Variants in BCL7C observed in about 807,000 individuals in gnomAD.
BCL7C encodes the protein B-cell CLL/lymphoma 7 protein family member C.
BCL7C carries 8 observed loss-of-function variants against 26.2 expected under a neutral mutation model. That is an observed-to-expected ratio of 0.30 (90% CI 0.18 to 0.55). The LOEUF is 0.55. BCL7C is among the 20% of genes least tolerant of loss of function. The pLI is 0.93. For synonymous variants in BCL7C, 90 were observed against 116.5 expected, an observed-to-expected ratio of 0.77 and a Z score of 1.47; for missense variants, 262 against 298.5, an observed-to-expected ratio of 0.88 and a Z score of 0.90.
At chr16:30,888,582 G>A (rs949471895) in intron 5 of BCL7C, 54 of 248,660 alleles carry the variant, frequency 2.2e-4, no homozygotes, top group Admixed American at 1.1e-4. Flanking sequence ...TGATCCACCC[G>A]CCTCCGCCTC....
At chr16:30,858,355 G>A (rs1035653290) in intron 5 of BCL7C, among the ~76,000 whole-genome samples, 13 of 152,120 alleles carry the variant, frequency 8.5e-5, no homozygotes, top group African/African-American at 2.4e-4. Context: ...AAGCCTTTCC[G>A]AAGTGACCTA....
intron 5 of BCL7C, 155 bp downstream of exon 5, chr16:30,888,705 C>T: frequency 3.2e-6 from 2 of 617,588 alleles, no homozygotes; most frequent in Non-Finnish European, 5.6e-6. Flanking sequence ...AACACCCTTT[C>T]TTTTTCAGTC....
intron 4 of BCL7C, among the ~76,000 whole-genome samples, chr16:30,891,641 C>T (rs914639211): frequency 6.6e-6 from 1 of 151,940 alleles, no homozygotes; most frequent in African/African-American, 2.4e-5. Flanking sequence ...ACTATGTGTC[C>T]CATATTATTC....
chr16:30,850,080 G>A (rs1277129813), intron 5 of BCL7C, among the ~76,000 whole-genome samples: 1 of 151,804 alleles, frequency 6.6e-6, no homozygotes, highest in Non-Finnish European at 1.5e-5. Flanking sequence ...CATGGTGGCA[G>A]GCACCTGTAG....
At chr16:30,864,716 G>A (rs573330054) in intron 5 of BCL7C, among the ~76,000 whole-genome samples, 23 of 152,218 alleles carry the variant, frequency 1.5e-4, no homozygotes, top group South Asian at 6.2e-4. Context: ...TGACCTGCAC[G>A]TATACATCCA....
Position 30,892,827 on chromosome 16 carries a change from G to C in BCL7C, c.280+13C>G. Reference sequence around the variant, plus strand: ...GTCCCCACAGCCCCCCGCGTTTCAGGATCCCTACCTACCATTAAGATCCAG... The same window carrying C: ...GTCCCCACAGCCCCCCGCGTTTCAGCATCCCTACCTACCATTAAGATCCAG... On this transcript the variant is annotated intron_variant, in intron 3 of 5. Transcript: ENST00000215115. 2 of 1,613,578 alleles carry C rather than the reference G, an allele frequency of 1.2e-6. No homozygotes were observed. Among genetic ancestry groups the C allele is most frequent in the African/African-American group, 1.3e-5 (1 of 75,034 alleles).
exon 6 of BCL7C, chr16:30,835,121 C>A: frequency 2.0e-6 from 3 of 1,524,938 alleles, no homozygotes; most frequent in Non-Finnish European, 8.9e-7. Flanking sequence ...TCGTGAAGGG[C>A]TCTCCTCGTC....
chr16:30,864,477 C>A (rs2054806600), intron 5 of BCL7C, among the ~76,000 whole-genome samples: 1 of 152,066 alleles, frequency 6.6e-6, no homozygotes, highest in East Asian at 1.9e-4. Flanking sequence ...ACAATATCAC[C>A]CCTTACCCCA....
intron 5 of BCL7C, among the ~76,000 whole-genome samples, chr16:30,873,289 A>T (rs1256324066): frequency 6.6e-6 from 1 of 152,216 alleles, no homozygotes; most frequent in Non-Finnish European, 1.5e-5. Flanking sequence ...GGCCACATAA[A>T]GCCCTAATAT....
chr16:30,891,458 AAAG>A (rs1335571161), intron 4 of BCL7C, among the ~76,000 whole-genome samples: 1 of 152,182 alleles, frequency 6.6e-6, no homozygotes, highest in Non-Finnish European at 1.5e-5. Context: ...AAACTCTCTC[AAAG>A]AAAAGAAAAA....
chr16:30,848,151 T>C (rs2054647409), intron 5 of BCL7C, among the ~76,000 whole-genome samples: 1 of 152,178 alleles, frequency 6.6e-6, no homozygotes, highest in Non-Finnish European at 1.5e-5. Flanking sequence ...GTTAGTGAAA[T>C]GAGATGCCAG....
intron 5 of BCL7C, among the ~76,000 whole-genome samples, chr16:30,846,619 C>T (rs1267272102): frequency 6.6e-6 from 1 of 152,190 alleles, no homozygotes; most frequent in Non-Finnish European, 1.5e-5. Context: ...TCTCATTAAC[C>T]AATTCCCTAT....
intron 4 of BCL7C, 64 bp from the exon 5 acceptor site, chr16:30,889,009 G>A: frequency 6.7e-7 from 1 of 1,502,840 alleles, no homozygotes; most frequent in Non-Finnish European, 9.3e-7. Flanking sequence ...ACAGACAGTG[G>A]GGGAAACAGA....
intron 5 of BCL7C, among the ~76,000 whole-genome samples, chr16:30,849,949 C>T (rs527250736): frequency 9.2e-5 from 14 of 151,746 alleles, no homozygotes; most frequent in South Asian, 2.1e-4. Context: ...CCAGGCTGGG[C>T]GTGGTGGCTC....
intron 5 of BCL7C, among the ~76,000 whole-genome samples, chr16:30,878,032 G>A (rs1377283683): frequency 2.6e-5 from 4 of 151,622 alleles, no homozygotes; most frequent in Non-Finnish European, 2.9e-5. Flanking sequence ...AAAATTAGCC[G>A]GGTGTGGTGG....
intron 5 of BCL7C, among the ~76,000 whole-genome samples, chr16:30,882,244 G>A (rs544534410): frequency 1.3e-5 from 2 of 152,126 alleles, no homozygotes; most frequent in African/African-American, 2.4e-5. Flanking sequence ...CACCACGCCC[G>A]GCCATTTATT....
intron 4 of BCL7C, among the ~76,000 whole-genome samples, chr16:30,890,494 A>C (rs771575944): frequency 6.6e-6 from 1 of 152,060 alleles, no homozygotes; most frequent in Non-Finnish European, 1.5e-5. Context: ...ATCTATAAAT[A>C]GGGATCATAA....
intron 5 of BCL7C, among the ~76,000 whole-genome samples, chr16:30,847,411 C>A (rs1025939604): frequency 6.6e-6 from 1 of 152,146 alleles, no homozygotes; most frequent in Non-Finnish European, 1.5e-5. Context: ...GCTGTGATAA[C>A]CTCACCTGGG....
intron 5 of BCL7C, among the ~76,000 whole-genome samples, chr16:30,864,815 A>C (rs2054809969): frequency 6.6e-6 from 1 of 150,646 alleles, no homozygotes; most frequent in African/African-American, 2.4e-5. Flanking sequence ...CCCCACCCTA[A>C]CTGATGCGAT....
Sources: gnomAD v4.1 joint callset for allele counts (sites outside exome capture counted in the v4.1 genomes callset) on GRCh38, gnomAD v4.1.1 for gene constraint, MANE v1.5 for transcripts, NCBI Gene and HGNC (gene_info 2026-07-23, HGNC 2026-07-21) for gene names.